The following CDKAL1 variants were observed in gnomAD, a reference collection of about 807,000 sequenced individuals.
CDKAL1 encodes the protein CDKAL1 threonylcarbamoyladenosine tRNA methylthiotransferase.
CDKAL1 carries 32 observed loss-of-function variants against 68.2 expected under a neutral mutation model. That is an observed-to-expected ratio of 0.47 (90% confidence interval 0.35 to 0.63). The LOEUF is 0.63. Among genes scored for constraint, CDKAL1 ranks in the 30% least tolerant of loss-of-function variants. The pLI is 0.00. For missense variants in CDKAL1, 606 were observed against 696.7 expected (o/e 0.87, Z 1.47); for synonymous variants, 234 against 244.3 (o/e 0.96, Z 0.39).
At chr6:20,670,971 CTG>C (rs1769785404) in intron 5 of CDKAL1, among the ~76,000 whole-genome samples, 1 of 152,110 alleles carries the variant, frequency 6.6e-6, no homozygotes, top group African/African-American at 2.4e-5. Flanking sequence ...CAATTCCAAA[CTG>C]TGTGGCAGTG....
intron 9 of CDKAL1, among the ~76,000 whole-genome samples, chr6:20,846,936 C>A (rs1778397069): frequency 6.6e-6 from 1 of 152,154 alleles, no homozygotes; most frequent in South Asian, 2.1e-4. Flanking sequence ...GTCTCATAAT[C>A]TTGCAGGTTA....
intron 5 of CDKAL1, among the ~76,000 whole-genome samples, chr6:20,665,059 G>T (rs1283281787): frequency 6.6e-6 from 1 of 152,028 alleles, no homozygotes; most frequent in African/African-American, 2.4e-5. Context: ...AAGTTGTGCT[G>T]TATAGATGGG....
intron 9 of CDKAL1, among the ~76,000 whole-genome samples, chr6:20,862,118 T>C (rs1414537575): frequency 6.6e-6 from 1 of 152,202 alleles, no homozygotes; most frequent in Non-Finnish European, 1.5e-5. Flanking sequence ...ATGTTTTCCA[T>C]GAAACTCAAT....
chr6:20,885,411 A>G (rs900865093), intron 9 of CDKAL1, among the ~76,000 whole-genome samples: 1 of 152,222 alleles, frequency 6.6e-6, no homozygotes, highest in Non-Finnish European at 1.5e-5. Flanking sequence ...ACATTTATTC[A>G]GTGGGGAAAG....
chr6:20,672,202 C>T (rs537379463), intron 5 of CDKAL1, among the ~76,000 whole-genome samples: 1 of 148,394 alleles, frequency 6.7e-6, no homozygotes, highest in Admixed American at 6.7e-5. Context: ...CTCTTTCTTT[C>T]CTTCCTTTCT....
At chr6:20,704,255 G>A (rs540619323) in intron 5 of CDKAL1, among the ~76,000 whole-genome samples, 7 of 152,142 alleles carry the variant, frequency 4.6e-5, no homozygotes, top group Admixed American at 1.3e-4. Context: ...CTGCTGTCAT[G>A]TAGCTTAAAG....
At chr6:21,204,417 G>A (rs1778818111) in intron 15 of CDKAL1, among the ~76,000 whole-genome samples, 1 of 151,994 alleles carries the variant, frequency 6.6e-6, no homozygotes, top group Admixed American at 6.6e-5. Flanking sequence ...AAATATACTA[G>A]TAAATACCTC....
intron 5 of CDKAL1, chr6:20,723,666 G>A (rs1332735861): frequency 2.4e-5 from 4 of 166,032 alleles, no homozygotes; most frequent in Non-Finnish European, 5.3e-5. Flanking sequence ...GTTTATAGGA[G>A]TGCTATTGGA....
intron 13 of CDKAL1, among the ~76,000 whole-genome samples, chr6:21,195,504 T>TATTTATTC (rs1026812687): frequency 1.4e-5 from 2 of 146,392 alleles, no homozygotes; most frequent in African/African-American, 5.0e-5. Flanking sequence ...TTTATTTATT[T>TATTTATTC]ATTTATTTAT....
chr6:20,655,319 G>T (rs1768974085), intron 5 of CDKAL1, among the ~76,000 whole-genome samples: 3 of 152,204 alleles, frequency 2.0e-5, no homozygotes, highest in African/African-American at 4.8e-5. Context: ...CAGGAGTCCA[G>T]TGAGGACAGA....
chr6:20,837,007 C>A (rs1168065307), intron 8 of CDKAL1, among the ~76,000 whole-genome samples: 1 of 152,130 alleles, frequency 6.6e-6, no homozygotes, highest in Non-Finnish European at 1.5e-5. Context: ...AGGTAGTAAT[C>A]TCCAAGTCAA....
intron 15 of CDKAL1, among the ~76,000 whole-genome samples, chr6:21,225,138 C>G (rs1306201066): frequency 6.6e-6 from 1 of 152,140 alleles, no homozygotes; most frequent in Non-Finnish European, 1.5e-5. Context: ...GTGCTCACCA[C>G]TGTTGACACG....
At chr6:20,546,296 G>T in intron 2 of CDKAL1, 50 bp from the exon 3 acceptor site, 1 of 1,391,656 alleles carries the variant, frequency 7.2e-7, no homozygotes. Flanking sequence ...ATGATGCTAC[G>T]CTAAGCAGAT....
At chr6:20,681,473 G>C (rs1032700309) in intron 5 of CDKAL1, among the ~76,000 whole-genome samples, 2 of 152,160 alleles carry the variant, frequency 1.3e-5, no homozygotes, top group Non-Finnish European at 2.9e-5. Flanking sequence ...TATTGTGTTA[G>C]GGGGCAGGTA....
At position 20,548,576 on chromosome 6, in the gene CDKAL1, T is replaced by C; in HGVS notation, c.174-17T>C. On this transcript the variant is annotated splice_polypyrimidine_tract_variant and intron_variant, in intron 3 of 15. Coordinates refer to ENST00000274695, the MANE Select transcript of CDKAL1 (RefSeq NM_017774.3). ...TCAATGAAACTTACTTTTTTTTTTTTATTGATTCCTTAACAGCACTATTCC... is the reference window on the plus strand; with the variant it reads ...TCAATGAAACTTACTTTTTTTTTTTCATTGATTCCTTAACAGCACTATTCC... The C allele has an allele frequency of 1.8e-6, 2 of 1,105,890 alleles. No homozygotes were observed. Among genetic ancestry groups the C allele is most frequent in the Non-Finnish European group, 2.7e-6 (2 of 735,312 alleles). The allele number at this position is 1,105,890 out of a possible 1,614,324, so 68.5% of individuals were successfully genotyped here. A position where few individuals can be genotyped will look rare whatever the true frequency, so the allele number is the denominator to read the frequency against.
chr6:20,719,559 C>T (rs1420381989), intron 5 of CDKAL1, among the ~76,000 whole-genome samples: 2 of 152,034 alleles, frequency 1.3e-5, no homozygotes, highest in Non-Finnish European at 2.9e-5. Context: ...GGTTTTATTT[C>T]TCTTCTTCTT....
chr6:21,123,161 C>T (rs1192053031), intron 13 of CDKAL1, among the ~76,000 whole-genome samples: 1 of 152,102 alleles, frequency 6.6e-6, no homozygotes, highest in Non-Finnish European at 1.5e-5. Context: ...GTCTTTAAAA[C>T]TCTGAACAGT....
At chr6:21,184,948 G>A (rs1777949096) in intron 13 of CDKAL1, among the ~76,000 whole-genome samples, 1 of 151,056 alleles carries the variant, frequency 6.6e-6, no homozygotes, top group Non-Finnish European at 1.5e-5. Flanking sequence ...ATTACAGGGT[G>A]AGCCACAGTA....
At chr6:20,699,190 A>C (rs538191378) in intron 5 of CDKAL1, among the ~76,000 whole-genome samples, 13 of 152,216 alleles carry the variant, frequency 8.5e-5, no homozygotes, top group Admixed American at 1.3e-4. Context: ...TTATCCCTTA[A>C]TAAATGGCGA....
Sources: gnomAD v4.1 joint callset for allele counts (sites outside exome capture counted in the v4.1 genomes callset) on GRCh38, gnomAD v4.1.1 for gene constraint, MANE v1.5 for transcripts, NCBI Gene and HGNC (gene_info 2026-07-23, HGNC 2026-07-21) for gene names.